The following ZNF540 variants were observed in gnomAD, a reference collection of about 807,000 sequenced individuals.
ZNF540 encodes zinc finger protein 540, also known as CTD-3064H18.6.
ZNF540 carries 3 observed loss-of-function variants against 11.8 expected under a neutral mutation model. The observed-to-expected ratio is 0.25, with a 90% confidence interval of 0.12 to 0.65. The LOEUF is 0.65. ZNF540 is among the 30% of genes least tolerant of loss of function. The pLI is 0.83. For synonymous variants in ZNF540, 247 were observed against 259.0 expected, an observed-to-expected ratio of 0.95 and a Z score of 0.45; for missense variants, 709 against 793.1, an observed-to-expected ratio of 0.89 and a Z score of 1.27.
At chr19:37,590,735 CTG>C (rs1008245233), upstream of ZNF540, among the ~76,000 whole-genome samples, 26 of 152,098 alleles carry the variant, frequency 1.7e-4, no homozygotes, top group Admixed American at 2.0e-4. Flanking sequence ...TGCAACTTCT[CTG>C]TAAGTGTAAT....
At chr19:37,589,021 A>G (rs1421892188) in intron 1 of ZNF540, among the ~76,000 whole-genome samples, 34 of 151,960 alleles carry the variant, frequency 2.2e-4, no homozygotes, top group Admixed American at 2.2e-3. Flanking sequence ...CCAATGTGGT[A>G]AAACCCCATC....
At chr19:37,556,644 A>G (rs1417446549) in intron 1 of ZNF540, among the ~76,000 whole-genome samples, 3 of 152,168 alleles carry the variant, frequency 2.0e-5, no homozygotes, top group South Asian at 2.1e-4. Context: ...TGGCAGGATG[A>G]TATCTTGTAC....
In ZNF540 at chr19:37,569,098, G is replaced by A. The variant is rs1236946097; in HGVS notation, c.-73+17433G>A. On this transcript the variant is annotated intron_variant, in intron 1 of 4. Transcript: ENST00000592533. The surrounding 1 kb of genome is among the most constrained non-coding windows in gnomAD (Gnocchi z 4.4). ...CTCCTGAGTAGCTGGGCTTACAGGT[G>A]TGCACCACCATGCCTGGCTCATTTT... Among the ~76,000 whole-genome samples the A allele has an allele frequency of 6.6e-6, 1 of 152,016 alleles. No homozygotes were observed. The highest frequency in any genetic ancestry group is 1.5e-5 in the Non-Finnish European group (1 of 67,992).
At chr19:37,596,254 G>A (rs2043993711) in intron 1 of ZNF540, among the ~76,000 whole-genome samples, 1 of 152,116 alleles carries the variant, frequency 6.6e-6, no homozygotes, top group Non-Finnish European at 1.5e-5. Context: ...TGATAATGTA[G>A]GCATACCTCA....
At chr19:37,564,414 AT>A (rs1432539576) in intron 1 of ZNF540, 1 of 439,600 alleles carries the variant, frequency 2.3e-6, no homozygotes, top group Non-Finnish European at 3.9e-6. Context: ...ATTCAGCATT[AT>A]ATTCTAGCGT....
intron 4 of ZNF540, among the ~76,000 whole-genome samples, chr19:37,602,089 T>C (rs966358129): frequency 6.6e-6 from 1 of 152,136 alleles, no homozygotes; most frequent in Non-Finnish European, 1.5e-5. Context: ...TAGCTTGGAT[T>C]GGGATGGTAG....
chr19:37,569,694 C>T lies in ZNF540; in HGVS notation c.-73+18029C>T, dbSNP rs1415282398. Among the ~76,000 whole-genome samples, 2 of 152,138 alleles carry T rather than the reference C, an allele frequency of 1.3e-5. No homozygotes were observed. The highest frequency in any genetic ancestry group is 2.4e-5 in the African/African-American group (1 of 41,426). ...CTCCGACTCCCTTGTGGCACCTCTG[C>T]CTCACTAGGCTCCAGCTGCAAAAGC... On this transcript the variant is annotated intron_variant, in intron 1 of 4. Transcript: ENST00000592533. The surrounding 1 kb of genome is among the most constrained non-coding windows in gnomAD (Gnocchi z 4.4).
intron 1 of ZNF540, among the ~76,000 whole-genome samples, chr19:37,567,124 CATT>C (rs2147154359): frequency 6.6e-6 from 1 of 152,322 alleles, no homozygotes; most frequent in South Asian, 2.1e-4. Context: ...TCAGCTGTCA[CATT>C]ATCAAAACAT....
chr19:37,553,822 A>G (rs1336030215), intron 1 of ZNF540, among the ~76,000 whole-genome samples: 1 of 152,138 alleles, frequency 6.6e-6, no homozygotes, highest in Non-Finnish European at 1.5e-5. Context: ...TACCATCCCT[A>G]TACTACATTA....
At chr19:37,571,994 T>C (rs1278877643) in intron 1 of ZNF540, among the ~76,000 whole-genome samples, 2 of 152,124 alleles carry the variant, frequency 1.3e-5, no homozygotes, top group Non-Finnish European at 2.9e-5. Context: ...TTTACCATTA[T>C]CCAAATAGAC....
chr19:37,597,760 G>A (rs2044007511), intron 1 of ZNF540, among the ~76,000 whole-genome samples: 1 of 152,222 alleles, frequency 6.6e-6, no homozygotes, highest in Admixed American at 6.5e-5. Flanking sequence ...CAAATAGGAA[G>A]TATTTTAGGC....
At position 37,602,086 on chromosome 19, in the gene ZNF540, G is replaced by C. The variant is rs902738072; in HGVS notation, c.232+981G>C. 2.0e-5 allele frequency among the ~76,000 whole-genome samples: 3 copies of C among 152,308 alleles called. No homozygotes were observed. In the Middle Eastern group the frequency reaches 0.01, roughly 518 times the overall value. ...CTAGATTAGCAGTGAAGGTAGCTTGGATTGGGATGGTAGTGGTGAGGGGTG... is the reference window on the plus strand; with the variant it reads ...CTAGATTAGCAGTGAAGGTAGCTTGCATTGGGATGGTAGTGGTGAGGGGTG... On this transcript the variant is annotated intron_variant, in intron 4 of 4. Transcript: ENST00000316433.
intron 1 of ZNF540, among the ~76,000 whole-genome samples, chr19:37,587,654 A>G (rs1450418468): frequency 1.3e-5 from 2 of 151,956 alleles, no homozygotes; most frequent in African/African-American, 2.4e-5. Flanking sequence ...CTTAACATCA[A>G]TGTTACTTGT....
intron 4 of ZNF540, among the ~76,000 whole-genome samples, chr19:37,606,735 TTTGTG>T (rs1308723991): frequency 1.4e-4 from 22 of 152,216 alleles, no homozygotes; most frequent in African/African-American, 4.8e-4. Context: ...AATTAGGTTG[TTTGTG>T]TTATTATTGA....
chr19:37,613,595 C>T lies in ZNF540; in HGVS notation c.*332C>T, dbSNP rs1173469080. ...AACACACCTAAAAGTGTGGTTGTTT[C>T]CAACATGTATAATACAGCAACAACT... On this transcript the variant is annotated 3_prime_UTR_variant, in exon 5 of 5. Transcript: ENST00000316433. The T allele has an allele frequency of 2.5e-6, 1 of 398,254 alleles. No homozygotes were observed. Among genetic ancestry groups the T allele is most frequent in the African/African-American group, 2.1e-5 (1 of 48,516 alleles). 24.7% of individuals were successfully genotyped at this position (398,254 alleles called of 1,614,324 possible). A position where few individuals can be genotyped will look rare whatever the true frequency, so the allele number is the denominator to read the frequency against.
At position 37,569,200 on chromosome 19, in the gene ZNF540, G is replaced by T. The variant is rs1466109260; in HGVS notation, c.-73+17535G>T. 6.6e-6 allele frequency among the ~76,000 whole-genome samples: 1 copy of T among 151,970 alleles called. No individual in the cohort carries two copies. The highest frequency in any genetic ancestry group is 2.4e-5 in the African/African-American group (1 of 41,352). ...ATTCCTGGCCTCAAGTGATCCACCT[G>T]CCCCGGACTCCCACAGCACTAGGAT... On this transcript the variant is annotated intron_variant, in intron 1 of 4. Coordinates refer to the ZNF540 transcript ENST00000592533. This position sits in a 1 kb window ranked among gnomAD's most constrained non-coding sequence, Gnocchi z 4.4.
chr19:37,586,026 C>G (rs913941903), intron 1 of ZNF540: 4 of 152,244 alleles, frequency 2.6e-5, no homozygotes, highest in Non-Finnish European at 5.9e-5. Flanking sequence ...CCAGAAGGAA[C>G]ATGGCTCTGC....
chr19:37,593,930 TAGAA>T (rs2043941568), upstream of ZNF540, among the ~76,000 whole-genome samples: 1 of 152,062 alleles, frequency 6.6e-6, no homozygotes, highest in Non-Finnish European at 1.5e-5. Context: ...AATTTGAGGT[TAGAA>T]AGAAAACAGG....
rs376034498 is a variant in ZNF540 at position 37,612,724 on chromosome 19, A to G, written c.1444A>G (p.Ile482Val). The change falls in exon 5 of 5, where the codon ATT (isoleucine) becomes GTT (valine). Residue 482 changes from isoleucine (I) to valine (V), a missense_variant. Coordinates refer to ENST00000316433, the MANE Select transcript of ZNF540 (RefSeq NM_001172225.3). ...CGKTFRVRSQ[I>V]SLHKKIHTDV... ...GAAGACCTTTCGAGTTCGTTCTCAA[A>G]TTAGTCTACATAAGAAAATTCATAC... 10 of 1,613,812 alleles carry G rather than the reference A, an allele frequency of 6.2e-6. No individual in the cohort carries two copies. The African/African-American group carries it at 1.2e-4, about 19-fold the overall frequency.
Sources: gnomAD v4.1 joint callset for allele counts (sites outside exome capture counted in the v4.1 genomes callset) on GRCh38, gnomAD v4.1.1 for gene constraint, Gnocchi (gnomAD v3.1) non-coding constraint, MANE v1.5 for transcripts, NCBI Gene and HGNC (gene_info 2026-07-23, HGNC 2026-07-21) for gene names.